Variants in TTC9B observed in about 807,000 individuals in gnomAD.
TTC9B encodes tetratricopeptide repeat domain 9B.
TTC9B carries 12 observed loss-of-function variants against 19.4 expected under a neutral mutation model. The observed-to-expected ratio is 0.62, with a 90% CI of 0.40 to 1.00. The LOEUF is 1.00. Among genes scored for constraint, TTC9B ranks in the 50% least tolerant of loss-of-function variants. The probability of loss-of-function intolerance (pLI) is 0.00; values close to 1 mark genes in which losing one functional copy is unlikely to be tolerated. For synonymous variants in TTC9B, 156 were observed against 158.6 expected, an observed-to-expected ratio of 0.98 and a Z score of 0.12; for missense variants, 316 against 345.2, an observed-to-expected ratio of 0.92 and a Z score of 0.67.
chr19:40,216,867 G>A (rs1434157999), intron 2 of TTC9B: 2 of 493,826 alleles, frequency 4.1e-6, no homozygotes, highest in Non-Finnish European at 3.7e-6. Context: ...TAATGGAGAT[G>A]ACAGTGGGTG....
chr19:40,217,615 C>T (rs1973387717), intron 1 of TTC9B: 1 of 549,696 alleles, frequency 1.8e-6, no homozygotes, highest in African/African-American at 1.9e-5. Context: ...AGCACTAAGG[C>T]CCCGCGCGGG....
intron 2 of TTC9B, 141 bp downstream of exon 2, chr19:40,217,046 G>T: frequency 2.2e-6 from 2 of 908,140 alleles, no homozygotes; most frequent in Non-Finnish European, 3.3e-6. Flanking sequence ...GAGTAGGTGG[G>T]TGGCGCAGCC....
intron 2 of TTC9B, 144 bp downstream of exon 2, chr19:40,217,043 T>G (rs2145107411): frequency 1.2e-6 from 1 of 845,430 alleles, no homozygotes; most frequent in South Asian, 1.7e-5. Context: ...AGGGAGTAGG[T>G]GGGTGGCGCA....
Position 40,216,196 on chromosome 19 carries a change from C to T in TTC9B, c.687G>A (p.Gly229=), listed in dbSNP as rs764719917. ...NRCSLQREDS[G]AGSQTRDVIG ...TTACATCCCGAGTCTGGGACCCAGC[C>T]CCACTGTCTTCCCGCTGGAGGCTGC... The change falls in exon 3 of 3, where the codon GGG becomes GGA. Residue 229 remains glycine (G), a synonymous_variant. Transcript: ENST00000311308. The T allele has an allele frequency of 2.5e-6, 4 of 1,614,096 alleles. No homozygotes were observed. Among genetic ancestry groups the T allele is most frequent in the African/African-American group, 2.7e-5 (2 of 74,938 alleles).
chr19:40,218,082 C>A lies in TTC9B; in HGVS notation c.300G>T (p.Gly100=). The change falls in exon 1 of 3, where the codon GGG becomes GGT. Residue 100 remains glycine, a synonymous_variant. Coordinates refer to ENST00000311308, the MANE Select transcript of TTC9B (RefSeq NM_152479.6). This position sits in a 1 kb window ranked among gnomAD's most constrained non-coding sequence, Gnocchi z 4.2. ...RALLQLKAAQ[G]ARPSGLPAPA... ...GGGCGGGCAGGCCGCTAGGGCGGGC[C>A]CCCTGCGCCGCCTTCAGCTGCAGCA... 1 of 1,550,198 alleles carries A rather than the reference C, an allele frequency of 6.5e-7. No homozygotes were observed. The highest frequency in any genetic ancestry group is 8.7e-7 in the Non-Finnish European group (1 of 1,154,066).
intron 1 of TTC9B, 31 bp downstream of exon 1, chr19:40,217,923 GT>G: frequency 1.3e-6 from 1 of 795,614 alleles, no homozygotes; most frequent in Non-Finnish European, 1.6e-6. Flanking sequence ...CCCTCCCCTC[GT>G]GCCCCATCCC....
Position 40,218,173 on chromosome 19 carries a change from G to T in TTC9B, c.209C>A (p.Ala70Glu). Residue 70 changes from alanine (A) to glutamate (E), a missense_variant, in exon 1 of 3, where the codon GCA (alanine) becomes GAA (glutamate). Ala to Glu is a moderately radical substitution (Grantham distance 107, BLOSUM62 -1). Coordinates refer to ENST00000311308, the MANE Select transcript of TTC9B (RefSeq NM_152479.6). This position sits in a 1 kb window ranked among gnomAD's most constrained non-coding sequence, Gnocchi z 4.2. ...SSLRAAVAFK[A>E]EGQRCYREKK... is the part of the protein sequence containing the mutation. ...CTCTCGATAGCAGCGCTGGCCCTCT[G>T]CCTTGAACGCCACGGCGGCACGCAG... The T allele has an allele frequency of 6.3e-7, 1 of 1,577,124 alleles. No individual in the cohort carries two copies. The highest frequency in any genetic ancestry group is 8.6e-7 in the Non-Finnish European group (1 of 1,165,496).
rs1365597538 is a variant in TTC9B at position 40,217,951 on chromosome 19, G to A, written c.427+4C>T. 1.5e-6 allele frequency: 2 copies of A among 1,356,164 alleles called. No individual in the cohort carries two copies. Among genetic ancestry groups the A allele is most frequent in the Non-Finnish European group, 9.6e-7 (1 of 1,046,738 alleles). 84.0% of individuals were successfully genotyped at this position (1,356,164 alleles called of 1,614,324 possible). Reference sequence around the variant, plus strand: ...CCCCATCCCCCCACCCCCCGACGGCGTACCCGTGAGGGAGTCGTAACACTC... The same window carrying A: ...CCCCATCCCCCCACCCCCCGACGGCATACCCGTGAGGGAGTCGTAACACTC... On this transcript the variant is annotated splice_donor_region_variant and intron_variant, in intron 1 of 2. Coordinates refer to ENST00000311308, the MANE Select transcript of TTC9B (RefSeq NM_152479.6).
intron 1 of TTC9B, 160 bp from the exon 2 acceptor site, chr19:40,217,529 C>T: frequency 2.2e-6 from 2 of 906,050 alleles, no homozygotes; most frequent in South Asian, 1.8e-5. Context: ...ACAGGCGCAA[C>T]TGCGCCGCTG....
chr19:40,216,509 G>C, intron 2 of TTC9B: 1 of 530,914 alleles, frequency 1.9e-6, no homozygotes, highest in Non-Finnish European at 3.4e-6. Flanking sequence ...ATGCCTCTTC[G>C]CAGAGGCTCC....
At chr19:40,217,864 TCAGCCCCA>T in intron 1 of TTC9B, 83 bp downstream of exon 1, 1 of 1,232,046 alleles carries the variant, frequency 8.1e-7, no homozygotes, top group Non-Finnish European at 1.1e-6. Flanking sequence ...CCTGGACCCT[TCAGCCCCA>T]GGGCCCCTGG....
Position 40,217,970 on chromosome 19 carries a change from A to G in TTC9B, c.412T>C (p.Tyr138His). The G allele has an allele frequency of 7.4e-7, 1 of 1,350,024 alleles. No individual in the cohort carries two copies. Among genetic ancestry groups the G allele is most frequent in the Non-Finnish European group, 9.5e-7 (1 of 1,048,928 alleles). The allele number at this position is 1,350,024 out of a possible 1,614,324, so 83.6% of individuals were successfully genotyped here. The change falls in exon 1 of 3, where the codon TAC (tyrosine) becomes CAC (histidine). Residue 138 changes from tyrosine (Y) to histidine (H), a missense_variant. Tyr to His is a moderately conservative substitution (Grantham distance 83). Coordinates refer to ENST00000311308, the MANE Select transcript of TTC9B (RefSeq NM_152479.6). ...RLVESTEVEC[Y>H]DSLTACLLQS... Reference sequence around the variant, plus strand: ...GACGGCGTACCCGTGAGGGAGTCGTAACACTCCACCTCCGTGCTCTCCACC... The same window carrying G: ...GACGGCGTACCCGTGAGGGAGTCGTGACACTCCACCTCCGTGCTCTCCACC...
rs1389785843 is a variant in TTC9B, at chr19:40,217,272, G to A, written c.525C>T (p.Tyr175=). 1 of 1,614,060 alleles carries A rather than the reference G, an allele frequency of 6.2e-7. No homozygotes were observed. The highest frequency in any genetic ancestry group is 2.2e-5 in the East Asian group (1 of 44,874). The change falls in exon 2 of 3, where the codon TAC becomes TAT. Residue 175 remains tyrosine (Y), a synonymous_variant. Coordinates refer to ENST00000311308, the MANE Select transcript of TTC9B (RefSeq NM_152479.6). ...GGTGGTAGAAGGCAATGCCGGCACG[G>A]TAGGTGGCCTTGAAGTTGCCCTGCT... ...EKQQGNFKAT[Y]RAGIAFYHLG...
chr19:40,218,343 G>A lies in TTC9B; in HGVS notation c.39C>T (p.Ser13=). 1.5e-6 allele frequency: 2 copies of A among 1,351,230 alleles called. No individual in the cohort carries two copies. The highest frequency in any genetic ancestry group is 3.1e-5 in the East Asian group (1 of 32,230). The allele number at this position is 1,351,230 out of a possible 1,614,324, so 83.7% of individuals were successfully genotyped here. Residue 13 remains serine (S), a synonymous_variant, in exon 1 of 3, where the codon AGC becomes AGT. Coordinates refer to ENST00000311308, the MANE Select transcript of TTC9B (RefSeq NM_152479.6). This position sits in a 1 kb window ranked among gnomAD's most constrained non-coding sequence, Gnocchi z 4.2. The part of the protein sequence containing the change: ...RGALSPVLML[S]AAPEPPPRPP... Reference sequence around the variant, plus strand: ...GGCGCGGCGGAGGCTCCGGGGCAGCGCTGAGCATCAGCACCGGGGACAGCG... The same window carrying A: ...GGCGCGGCGGAGGCTCCGGGGCAGCACTGAGCATCAGCACCGGGGACAGCG...
rs1484855235 is a variant in TTC9B, at chr19:40,216,357, C to T, written c.611-85G>A. ...ACCTCCCTGGCTCACACCCCATTCT[C>T]CGAAGTATCCAGCAGCTCGCTCACA... On this transcript the variant is annotated intron_variant, in intron 2 of 2. Coordinates refer to ENST00000311308, the MANE Select transcript of TTC9B (RefSeq NM_152479.6). 6 of 995,602 alleles carry T rather than the reference C, an allele frequency of 6.0e-6. No individual in the cohort carries two copies. In the Admixed American group the frequency reaches 9.4e-5, roughly 16 times the overall value. The allele number at this position is 995,602 out of a possible 1,614,324, so 61.7% of individuals were successfully genotyped here.
In TTC9B at chr19:40,216,566, C is replaced by A. The variant is rs1258449163; in HGVS notation, c.611-294G>T. ...GCGACATCTGCAAGAAGTCTGTTCT[C>A]TCCGAGCCACTTAACAGGAAAACTA... On this transcript the variant is annotated intron_variant, in intron 2 of 2. Transcript: ENST00000311308. 12 of 443,746 alleles carry A rather than the reference C, an allele frequency of 2.7e-5. No homozygotes were observed. In the East Asian group the frequency reaches 5.1e-4, roughly 19 times the overall value. The allele number at this position is 443,746 out of a possible 1,614,324, so 27.5% of individuals were successfully genotyped here. A position where few individuals can be genotyped will look rare whatever the true frequency, so the allele number is the denominator to read the frequency against.
chr19:40,217,662 A>T, intron 1 of TTC9B: 1 of 523,214 alleles, frequency 1.9e-6, no homozygotes, highest in Admixed American at 3.5e-5. Context: ...GGCTCAGGGC[A>T]GACTTCCTCA....
chr19:40,217,875 GC>G (rs1973391507), intron 1 of TTC9B, 79 bp downstream of exon 1: 1 of 1,301,782 alleles, frequency 7.7e-7, no homozygotes, highest in Non-Finnish European at 1.0e-6. Context: ...CAGCCCCAGG[GC>G]CCCTGGCCCC....
At chr19:40,217,619 G>A in intron 1 of TTC9B, 1 of 538,664 alleles carries the variant, frequency 1.9e-6, no homozygotes, top group Non-Finnish European at 3.2e-6. Flanking sequence ...CTAAGGCCCC[G>A]CGCGGGGGCG....
Sources: allele counts gnomAD v4.1 joint callset, GRCh38; gene constraint gnomAD v4.1.1; non-coding constraint Gnocchi (gnomAD v3.1); transcripts MANE v1.5; gene names NCBI Gene and HGNC (gene_info 2026-07-23, HGNC 2026-07-21).